The following KIF26B variants were observed in gnomAD, a reference collection of about 807,000 sequenced individuals.
KIF26B encodes kinesin-like protein KIF26B.
In KIF26B, 63 loss-of-function variants were observed where a neutral mutation model predicts 151.2. The ratio of observed to expected loss-of-function variants is 0.42; its 90% CI spans 0.34 to 0.51. The LOEUF (loss-of-function observed/expected upper bound fraction) is 0.51, where lower values mean the gene tolerates loss of function less well. KIF26B is among the 20% of genes least tolerant of loss of function. The probability of loss-of-function intolerance (pLI) is 0.07; values close to 1 mark genes in which losing one functional copy is unlikely to be tolerated. For synonymous variants in KIF26B, 1,357 were observed against 1,262.1 expected (o/e 1.08, Z -1.59); for missense variants, 2,813 against 2,913.6 (o/e 0.97, Z 0.79).
At chr1:245,268,705 C>T (rs1490303379) in intron 2 of KIF26B, among the ~76,000 whole-genome samples, 1 of 152,016 alleles carries the variant, frequency 6.6e-6, no homozygotes, top group East Asian at 1.9e-4. Flanking sequence ...GTCCGAGCCC[C>T]TCTGTCTAGG....
chr1:245,494,277 C>A (rs557464321), intron 4 of KIF26B, among the ~76,000 whole-genome samples: 207 of 151,492 alleles, frequency 1.4e-3, no homozygotes, highest in African/African-American at 4.9e-3. Flanking sequence ...TTGCACTCCA[C>A]CCTGGGCAAC....
In KIF26B at chr1:245,686,554, ACGC is replaced by A; in HGVS notation, c.3572_3574del (p.Thr1191_Leu1192delinsMet). ...GAACGGTGAGGACGAGCTGGTGTTC[ACGC>A]TGGTGGAGGAGCTGACCATCAGCGG... On this transcript the variant is annotated inframe_deletion, in exon 12 of 15. Coordinates refer to ENST00000407071, the MANE Select transcript of KIF26B (RefSeq NM_018012.4). The surrounding 1 kb of genome is among the most constrained non-coding windows in gnomAD (Gnocchi z 5.6). The A allele has an allele frequency of 6.2e-7, 1 of 1,613,086 alleles. No individual in the cohort carries two copies. Among genetic ancestry groups the A allele is most frequent in the Non-Finnish European group, 8.5e-7 (1 of 1,179,824 alleles).
chr1:245,413,359 G>T (rs1773824), intron 3 of KIF26B, among the ~76,000 whole-genome samples: 1 of 152,170 alleles, frequency 6.6e-6, no homozygotes, highest in Non-Finnish European at 1.5e-5. Context: ...GTAAGCCATA[G>T]TCCTTTAAAA....
At chr1:245,533,664 C>G (rs1278825030) in intron 4 of KIF26B, among the ~76,000 whole-genome samples, 1 of 152,046 alleles carries the variant, frequency 6.6e-6, no homozygotes, top group Admixed American at 6.6e-5. Flanking sequence ...AATCTTTAGA[C>G]ACTAAGGATA....
At position 245,685,937 on chromosome 1, in the gene KIF26B, A is replaced by C; in HGVS notation, c.2954A>C (p.Glu985Ala). 6.2e-7 allele frequency: 1 copy of C among 1,611,512 alleles called. No homozygotes were observed. The highest frequency in any genetic ancestry group is 8.5e-7 in the Non-Finnish European group (1 of 1,179,058). Residue 985 changes from glutamate (E) to alanine (A), a missense_variant, in exon 12 of 15, where the codon GAA becomes GCA. By Grantham distance (107) the Glu-to-Ala change is moderately radical. Around this residue, in one of 3 missense-constraint regions of KIF26B, gnomAD observed 2,060 missense variants for 2,088.6 expected, o/e 0.99. Transcript: ENST00000407071. ...TCTGATAAGGAAGATAATGGGTCCG[A>C]AGGTCAGCTGACCAACAGAGAAGGC... is the stretch of plus-strand genomic sequence containing the variant. The part of the protein sequence containing the change: ...SESDKEDNGS[E>A]GQLTNREGPE...
chr1:245,338,984 G>GTT (rs200327162), intron 2 of KIF26B, among the ~76,000 whole-genome samples: 1,918 of 140,940 alleles, frequency 0.014, 24 homozygotes, highest in African/African-American at 0.03. Flanking sequence ...TGCTTTTAGG[G>GTT]TTTTTTTTTT....
chr1:245,688,843 G>C, intron 12 of KIF26B, 36 bp downstream of exon 12: 1 of 1,529,112 alleles, frequency 6.5e-7, no homozygotes, highest in Non-Finnish European at 8.8e-7. Flanking sequence ...GGTGAGGAGG[G>C]CGGCAGGTGG....
At chr1:245,559,826 G>A (rs887403023) in intron 5 of KIF26B, among the ~76,000 whole-genome samples, 4 of 151,782 alleles carry the variant, frequency 2.6e-5, no homozygotes, top group South Asian at 2.1e-4. Flanking sequence ...GATTACAGGC[G>A]TGAGCCACCA....
intron 4 of KIF26B, among the ~76,000 whole-genome samples, chr1:245,537,395 C>G (rs1661512191): frequency 6.6e-6 from 1 of 152,180 alleles, no homozygotes; most frequent in Non-Finnish European, 1.5e-5. Flanking sequence ...AGTACTTTGG[C>G]TTTTACTCTG....
intron 2 of KIF26B, among the ~76,000 whole-genome samples, chr1:245,161,612 A>G (rs1359044641): frequency 1.3e-5 from 2 of 152,198 alleles, no homozygotes; most frequent in African/African-American, 4.8e-5. Context: ...CGATTGTCCT[A>G]CATACCACGA....
chr1:245,262,780 C>A (rs544371674), intron 2 of KIF26B, among the ~76,000 whole-genome samples: 45 of 152,246 alleles, frequency 3.0e-4, no homozygotes, highest in Middle Eastern at 3.4e-3. Context: ...ATGAGAGACT[C>A]TTGAGTCTTT....
chr1:245,450,997 G>T (rs921671748), intron 4 of KIF26B, among the ~76,000 whole-genome samples: 1 of 151,918 alleles, frequency 6.6e-6, no homozygotes, highest in Admixed American at 6.5e-5. Context: ...TGAATTCCTC[G>T]TGCCCACGGC....
intron 2 of KIF26B, among the ~76,000 whole-genome samples, chr1:245,312,380 A>G (rs1400609641): frequency 1.3e-5 from 2 of 152,194 alleles, no homozygotes; most frequent in Non-Finnish European, 2.9e-5. Flanking sequence ...CTTTCAAGAG[A>G]CCTGAAATGA....
At position 245,375,762 on chromosome 1, in the gene KIF26B, G is replaced by A. The variant is rs1001414758; in HGVS notation, c.999+8395G>A. The stretch of plus-strand genomic sequence containing the variant: ...ACTGAAAAGCTTGGTAAGGAGAAGC[G>A]GGATGGGGTCTACAGACCAAGGAGT... On this transcript the variant is annotated intron_variant, in intron 3 of 14. Transcript: ENST00000407071. This position sits in a 1 kb window ranked among gnomAD's most constrained non-coding sequence, Gnocchi z 4.2. Among the ~76,000 whole-genome samples, 15 of 152,102 alleles carry A rather than the reference G, an allele frequency of 9.9e-5. No individual in the cohort carries two copies. Among genetic ancestry groups the A allele is most frequent in the African/African-American group, 3.6e-4 (15 of 41,422 alleles).
At chr1:245,354,740 G>T (rs760294004) in intron 2 of KIF26B, among the ~76,000 whole-genome samples, 9 of 152,148 alleles carry the variant, frequency 5.9e-5, no homozygotes, top group Admixed American at 5.9e-4. Flanking sequence ...CCACATAAGG[G>T]AAACTGAGGT....
At chr1:245,264,330 C>T (rs1263974083) in intron 2 of KIF26B, among the ~76,000 whole-genome samples, 4 of 152,174 alleles carry the variant, frequency 2.6e-5, no homozygotes, top group Admixed American at 6.5e-5. Context: ...ACGTAAAACA[C>T]TACTGCATAG....
chr1:245,433,504 A>G (rs908682113), intron 4 of KIF26B, among the ~76,000 whole-genome samples: 7 of 149,082 alleles, frequency 4.7e-5, no homozygotes, highest in Non-Finnish European at 7.4e-5. Context: ...AGAAGAAGTA[A>G]GAAGTTATGG....
At chr1:245,538,104 C>T (rs1661526363) in intron 4 of KIF26B, among the ~76,000 whole-genome samples, 1 of 152,164 alleles carries the variant, frequency 6.6e-6, no homozygotes, top group African/African-American at 2.4e-5. Context: ...GAAGGACCTA[C>T]TCACTGCTCT....
intron 4 of KIF26B, among the ~76,000 whole-genome samples, chr1:245,448,916 T>C (rs1269546000): frequency 2.6e-5 from 4 of 152,238 alleles, no homozygotes; most frequent in Non-Finnish European, 5.9e-5. Flanking sequence ...GTCCTTGTGA[T>C]TTTTAAAACC....
Sources: gnomAD v4.1 joint callset for allele counts (sites outside exome capture counted in the v4.1 genomes callset) on GRCh38, gnomAD v4.1.1 for gene constraint, gnomAD v4.1.1 regional missense constraint, Gnocchi (gnomAD v3.1) non-coding constraint, MANE v1.5 for transcripts, NCBI Gene and HGNC (gene_info 2026-07-23, HGNC 2026-07-21) for gene names.